Variants in FCRL4 observed in about 807,000 individuals in gnomAD.
FCRL4 encodes Fc receptor-like protein 4.
Under a neutral mutation model 64.1 loss-of-function variants are expected in FCRL4, and 43 were observed. The observed-to-expected ratio is 0.67, with a 90% CI of 0.53 to 0.87. The LOEUF is 0.87. Among genes scored for constraint, FCRL4 ranks in the 40% least tolerant of loss-of-function variants. The pLI is 0.00. For synonymous variants in FCRL4, 253 were observed against 239.8 expected, an observed-to-expected ratio of 1.05 and a Z score of -0.51; for missense variants, 656 against 613.5, an observed-to-expected ratio of 1.07 and a Z score of -0.73.
intron 1 of FCRL4, among the ~76,000 whole-genome samples, chr1:157,596,939 C>A (rs1259305467): frequency 6.6e-6 from 1 of 152,174 alleles, no homozygotes. Context: ...TCCACCTGAT[C>A]AAATGTTAGA....
chr1:157,591,729 G>T (rs781649922), intron 2 of FCRL4, among the ~76,000 whole-genome samples: 1 of 152,116 alleles, frequency 6.6e-6, no homozygotes, highest in Non-Finnish European at 1.5e-5. Flanking sequence ...AGAAACTGAA[G>T]AATTCAAGGA....
At chr1:157,594,535 A>G (rs952479363) in intron 2 of FCRL4, among the ~76,000 whole-genome samples, 6 of 152,232 alleles carry the variant, frequency 3.9e-5, no homozygotes, top group Non-Finnish European at 8.8e-5. Flanking sequence ...AAAATAAAAC[A>G]AATTGTTTTC....
chr1:157,584,881 A>T (rs1652638237), intron 6 of FCRL4, among the ~76,000 whole-genome samples: 1 of 146,986 alleles, frequency 6.8e-6, no homozygotes, highest in Non-Finnish European at 1.5e-5. Flanking sequence ...AGTTGGAAAT[A>T]TTATAAGGAT....
At chr1:157,579,402 G>A (rs913183190) in intron 8 of FCRL4, among the ~76,000 whole-genome samples, 1 of 150,658 alleles carries the variant, frequency 6.6e-6, no homozygotes, top group Non-Finnish European at 1.5e-5. Context: ...TCATCATCAG[G>A]AAGTAGTGAT....
chr1:157,593,488 T>C (rs1652884291), intron 2 of FCRL4, among the ~76,000 whole-genome samples: 1 of 152,190 alleles, frequency 6.6e-6, no homozygotes, highest in Non-Finnish European at 1.5e-5. Context: ...AAAGTTAAGA[T>C]GAACTAGTAG....
At chr1:157,588,683 CGTG>C (rs1652763971) in intron 3 of FCRL4, among the ~76,000 whole-genome samples, 1 of 152,150 alleles carries the variant, frequency 6.6e-6, no homozygotes, top group Admixed American at 6.5e-5. Context: ...TCCTGTAGTC[CGTG>C]CCCTTGGAAG....
chr1:157,588,302 C>A (rs895952906), intron 3 of FCRL4, among the ~76,000 whole-genome samples, 183 bp from the exon 4 acceptor site: 5 of 152,186 alleles, frequency 3.3e-5, no homozygotes, highest in African/African-American at 1.2e-4. Context: ...TAAATAAATC[C>A]CAGACTCAAC....
rs776494146 is a variant in FCRL4, at chr1:157,575,445, G to A, written c.*79C>T. Reference sequence around the variant, plus strand: ...GAATGAGTTGATCATTCCAGGGGCCGCAAGGACTGCACTGGGCCTGGGACT... The same window carrying A: ...GAATGAGTTGATCATTCCAGGGGCCACAAGGACTGCACTGGGCCTGGGACT... On this transcript the variant is annotated 3_prime_UTR_variant, in exon 12 of 12. Coordinates refer to ENST00000271532, the MANE Select transcript of FCRL4 (RefSeq NM_031282.3). The A allele has an allele frequency of 3.8e-5, 39 of 1,036,190 alleles. No individual in the cohort carries two copies. Among genetic ancestry groups the A allele is most frequent in the South Asian group, 5.4e-5 (4 of 74,688 alleles). 64.2% of individuals were successfully genotyped at this position (1,036,190 alleles called of 1,614,324 possible).
rs201904576 is a variant in FCRL4, at chr1:157,587,320, C to T, written c.803G>A (p.Gly268Asp). 5.0e-6 allele frequency: 8 copies of T among 1,614,224 alleles called. No homozygotes were observed. In the East Asian group the frequency reaches 6.7e-5, roughly 13 times the overall value. The change falls in exon 5 of 12, where the codon GGT becomes GAT. Residue 268 changes from glycine (G) to aspartate (D), a missense_variant. Physicochemically the swap from Gly to Asp is moderately conservative, Grantham distance 94 (BLOSUM62 -1). Coordinates refer to ENST00000271532, the MANE Select transcript of FCRL4 (RefSeq NM_031282.3). ...SYWCGAETVR[G>D]NIHKHSPSLQ... ...CGAGGGACTGTGCTTGTGGATGTTA[C>T]CCCTCACTGTTTCAGCACCACACCA...
intron 5 of FCRL4, among the ~76,000 whole-genome samples, chr1:157,586,954 T>C (rs1331824322): frequency 6.6e-6 from 1 of 152,220 alleles, no homozygotes; most frequent in East Asian, 1.9e-4. Flanking sequence ...ATCCTTAAGA[T>C]CTAGCCATTC....
intron 7 of FCRL4, chr1:157,580,571 G>T: frequency 1.9e-6 from 1 of 529,994 alleles, no homozygotes; most frequent in Non-Finnish European, 3.4e-6. Context: ...AATTGTCTGA[G>T]AATTTATTAA....
intron 2 of FCRL4, among the ~76,000 whole-genome samples, chr1:157,593,023 G>A (rs1652872758): frequency 6.6e-6 from 1 of 152,172 alleles, no homozygotes; most frequent in African/African-American, 2.4e-5. Flanking sequence ...ACTTGTAGGT[G>A]GGAATTGAAC....
At position 157,575,788 on chromosome 1, in the gene FCRL4, T is replaced by A. The variant is rs567657314; in HGVS notation, c.1430-58A>T. On this transcript the variant is annotated intron_variant, in intron 10 of 11. Coordinates refer to ENST00000271532, the MANE Select transcript of FCRL4 (RefSeq NM_031282.3). ...GCATAATGATGCACTTAGAACTCAG[T>A]CTGTTAGCTGATGCCCTAGAGTCTG... 2.1e-5 allele frequency: 33 copies of A among 1,555,896 alleles called. No individual in the cohort carries two copies. In the African/African-American group the frequency reaches 3.9e-4, roughly 19 times the overall value.
At chr1:157,590,596 C>T (rs1652817212) in intron 2 of FCRL4, among the ~76,000 whole-genome samples, 2 of 151,344 alleles carry the variant, frequency 1.3e-5, no homozygotes, top group Middle Eastern at 3.4e-3. Context: ...CGGCTCACTG[C>T]AACCTCTGCC....
chr1:157,587,158 C>T (rs1652719387), intron 5 of FCRL4, 118 bp downstream of exon 5: 3 of 1,185,736 alleles, frequency 2.5e-6, no homozygotes, highest in Admixed American at 2.2e-5. Flanking sequence ...CACTTCTTGG[C>T]CTAAGCCTGG....
chr1:157,574,132 G>GAAAATATTC lies in FCRL4; in HGVS notation c.*1383_*1391dup. The GAAAATATTC allele has an allele frequency of 9.2e-6, 2 of 218,400 alleles. No homozygotes were observed. The highest frequency in any genetic ancestry group is 1.8e-5 in the Non-Finnish European group (2 of 108,904). 13.5% of individuals were successfully genotyped at this position (218,400 alleles called of 1,614,324 possible). On this transcript the variant is annotated 3_prime_UTR_variant, in exon 12 of 12. Transcript: ENST00000271532. ...TAAATATTCGTCTTTTCTTTATGTTGAAAATATTCTAATTACTTTTCTTCA... is the reference window on the plus strand; with the variant it reads ...TAAATATTCGTCTTTTCTTTATGTTGAAAATATTCAAAATATTCTAATTACTTTTCTTCA...
Position 157,589,342 on chromosome 1 carries a change from A to G in FCRL4, c.169T>C (p.Trp57Arg), listed in dbSNP as rs1352664558. Reference sequence around the variant, plus strand: ...TCTCCCCAGTAGTGCCGATGATACCATGTTGTTTTCTCTGTTGCATAGAAC... The same window carrying G: ...TCTCCCCAGTAGTGCCGATGATACCGTGTTGTTTTCTCTGTTGCATAGAAC... ...FQFYATEKTTWYHRHYWGEKL... is the reference protein window; with the variant it reads ...FQFYATEKTTRYHRHYWGEKL... Residue 57 changes from tryptophan (W) to arginine (R), a missense_variant, in exon 3 of 12, where the codon TGG (tryptophan) becomes CGG (arginine). By Grantham distance (101) the Trp-to-Arg change is moderately radical. Coordinates refer to ENST00000271532, the MANE Select transcript of FCRL4 (RefSeq NM_031282.3). The G allele has an allele frequency of 2.5e-6, 4 of 1,614,114 alleles. No individual in the cohort carries two copies. The highest frequency in any genetic ancestry group is 3.4e-6 in the Non-Finnish European group (4 of 1,180,032).
chr1:157,583,030 A>G (rs1380932751), intron 6 of FCRL4, among the ~76,000 whole-genome samples: 7 of 152,202 alleles, frequency 4.6e-5, no homozygotes, highest in Non-Finnish European at 1.0e-4. Flanking sequence ...TGGGGAAAGT[A>G]ATTGAAATTT....
At chr1:157,589,812 T>A (rs542138327) in intron 2 of FCRL4, among the ~76,000 whole-genome samples, 1 of 140,136 alleles carries the variant, frequency 7.1e-6, no homozygotes, top group South Asian at 2.2e-4. Context: ...TGGGATCTTG[T>A]TGTTACAGAG....
Sources: gnomAD v4.1 joint callset for allele counts (sites outside exome capture counted in the v4.1 genomes callset) on GRCh38, gnomAD v4.1.1 for gene constraint, MANE v1.5 for transcripts, NCBI Gene and HGNC (gene_info 2026-07-23, HGNC 2026-07-21) for gene names.